PCDHGB5: variants seen among roughly 807,000 people sequenced by gnomAD.
The protein encoded by PCDHGB5 is protocadherin gamma subfamily B, 5.
PCDHGB5 carries 48 observed loss-of-function variants against 62.9 expected under a neutral mutation model. The ratio of observed to expected loss-of-function variants is 0.76; its 90% confidence interval spans 0.61 to 0.97. PCDHGB5 has a LOEUF of 0.97. Among genes scored for constraint, PCDHGB5 ranks in the 50% least tolerant of loss-of-function variants. PCDHGB5 has a pLI of 0.00. For synonymous variants in PCDHGB5, 474 were observed against 511.2 expected, an observed-to-expected ratio of 0.93 and a Z score of 0.98; for missense variants, 1,118 against 1,198.6, an observed-to-expected ratio of 0.93 and a Z score of 0.99.
At chr5:141,419,543 G>T (rs573594140) in intron 1 of PCDHGB5, 1 of 1,612,106 alleles carries the variant, frequency 6.2e-7, no homozygotes, top group East Asian at 2.2e-5. Flanking sequence ...CGCACCGCGG[G>T]TGCTGTACCC....
chr5:141,496,276 G>C (rs1189269883), intron 2 of PCDHGB5, among the ~76,000 whole-genome samples: 1 of 152,204 alleles, frequency 6.6e-6, no homozygotes, highest in Admixed American at 6.5e-5. Flanking sequence ...AAGACCTTCA[G>C]TTGGTCTGAG....
chr5:141,486,728 G>T lies in PCDHGB5; in HGVS notation c.2398-8079G>T. On this transcript the variant is annotated intron_variant, in intron 1 of 3. Coordinates refer to ENST00000617380, the MANE Select transcript of PCDHGB5 (RefSeq NM_018925.3). This position sits in a 1 kb window ranked among gnomAD's most constrained non-coding sequence, Gnocchi z 5.0. Reference sequence around the variant, plus strand: ...GAACCCCCAGACAGGAGCTGTTCATGCTACTCGATCCTTTGACTATGAGCA... The same window carrying T: ...GAACCCCCAGACAGGAGCTGTTCATTCTACTCGATCCTTTGACTATGAGCA... The T allele has an allele frequency of 6.2e-7, 1 of 1,614,200 alleles. No individual in the cohort carries two copies. The highest frequency in any genetic ancestry group is 8.5e-7 in the Non-Finnish European group (1 of 1,180,052).
At chr5:141,497,464 T>C (rs1277760390) in intron 2 of PCDHGB5, among the ~76,000 whole-genome samples, 1 of 151,764 alleles carries the variant, frequency 6.6e-6, no homozygotes, top group Admixed American at 6.6e-5. Context: ...CTTGGAGATA[T>C]GGAGGAGAAG....
At chr5:141,410,038 T>C (rs1364065272) in intron 1 of PCDHGB5, 2 of 1,613,086 alleles carry the variant, frequency 1.2e-6, no homozygotes, top group African/African-American at 1.3e-5. Flanking sequence ...TGCAGGCCAG[T>C]GAGCCCGGAC....
intron 1 of PCDHGB5, among the ~76,000 whole-genome samples, chr5:141,475,341 C>T (rs1306106224): frequency 6.6e-6 from 1 of 152,162 alleles, no homozygotes; most frequent in Non-Finnish European, 1.5e-5. Context: ...CAATGACATC[C>T]AGTTTTAAAA....
chr5:141,466,977 C>T (rs2099133275), intron 1 of PCDHGB5, among the ~76,000 whole-genome samples: 1 of 151,786 alleles, frequency 6.6e-6, no homozygotes. Flanking sequence ...CACAGCTCAT[C>T]ATTTACCTTT....
chr5:141,455,388 A>C (rs1415223043), intron 1 of PCDHGB5, among the ~76,000 whole-genome samples: 1 of 152,086 alleles, frequency 6.6e-6, no homozygotes, highest in Non-Finnish European at 1.5e-5. Context: ...AGAAGGAAGG[A>C]GCTCCCCCTT....
chr5:141,400,776 G>T (rs1461818790), intron 1 of PCDHGB5: 3 of 557,594 alleles, frequency 5.4e-6, no homozygotes, highest in Non-Finnish European at 9.4e-6. Context: ...CATTTGGTGC[G>T]TTTTTTTGTC....
Position 141,431,915 on chromosome 5 carries a change from A to G in PCDHGB5, c.2397+31391A>G. 1 of 1,614,040 alleles carries G rather than the reference A, an allele frequency of 6.2e-7. No homozygotes were observed. The highest frequency in any genetic ancestry group is 8.5e-7 in the Non-Finnish European group (1 of 1,179,854). On this transcript the variant is annotated intron_variant, in intron 1 of 3. Coordinates refer to ENST00000617380, the MANE Select transcript of PCDHGB5 (RefSeq NM_018925.3). The surrounding 1 kb of genome is among the most constrained non-coding windows in gnomAD (Gnocchi z 4.8). ...GGAAAACGGACAGGTGATCTGTTTC[A>G]TCCAAGGAAATCTGCCCTTTAAATT...
chr5:141,404,798 C>T (rs1422774939), intron 1 of PCDHGB5: 2 of 1,613,842 alleles, frequency 1.2e-6, no homozygotes, highest in Admixed American at 1.7e-5. Context: ...TGAGCCAGGG[C>T]TCTTCTCGGT....
intron 1 of PCDHGB5, chr5:141,424,104 A>G (rs1049098128): frequency 6.2e-6 from 5 of 812,458 alleles, no homozygotes; most frequent in Non-Finnish European, 6.1e-6. Flanking sequence ...ATTACTGCTA[A>G]TGTTCAAATT....
In PCDHGB5 at chr5:141,485,697, A is replaced by G. The variant is rs76923861; in HGVS notation, c.2398-9110A>G. 48,100 of 1,614,036 alleles carry G rather than the reference A, an allele frequency of 0.03. 1,433 individuals carry two copies. Among genetic ancestry groups the G allele is most frequent in the African/African-American group, 0.15 (11,542 of 75,006 alleles). The stretch of plus-strand genomic sequence containing the variant: ...ATTAGCAGCTATAGGCTGAGCTCCA[A>G]TGAACACTTTGCACTGGATGTGAAG... On this transcript the variant is annotated intron_variant, in intron 1 of 3. Transcript: ENST00000617380. The surrounding 1 kb of genome is among the most constrained non-coding windows in gnomAD (Gnocchi z 5.7).
chr5:141,404,411 G>A, intron 1 of PCDHGB5: 1 of 1,613,854 alleles, frequency 6.2e-7, no homozygotes, highest in Non-Finnish European at 8.5e-7. Flanking sequence ...GAATTCTAGA[G>A]TTATTTACTC....
Position 141,489,826 on chromosome 5 carries a change from C to T in PCDHGB5, c.2398-4981C>T, listed in dbSNP as rs1270077118. 1 of 1,614,186 alleles carries T rather than the reference C, an allele frequency of 6.2e-7. No individual in the cohort carries two copies. The highest frequency in any genetic ancestry group is 1.7e-5 in the Admixed American group (1 of 60,028). On this transcript the variant is annotated intron_variant, in intron 1 of 3. Coordinates refer to ENST00000617380, the MANE Select transcript of PCDHGB5 (RefSeq NM_018925.3). The surrounding 1 kb of genome is among the most constrained non-coding windows in gnomAD (Gnocchi z 4.5). ...TGGGAAGCCATTCCCAGAGCTGGTGCTAGAGCAGCAGCTGGATCGTGAAGC... is the reference window on the plus strand; with the variant it reads ...TGGGAAGCCATTCCCAGAGCTGGTGTTAGAGCAGCAGCTGGATCGTGAAGC...
At position 141,493,666 on chromosome 5, in the gene PCDHGB5, C is replaced by T. The variant is rs1475584876; in HGVS notation, c.2398-1141C>T. On this transcript the variant is annotated intron_variant, in intron 1 of 3. Transcript: ENST00000617380. The surrounding 1 kb of genome is among the most constrained non-coding windows in gnomAD (Gnocchi z 4.3). ...GCCATCCCTGTGCCCTTCTCCATGG[C>T]AGCCCCAGAATGGTGCTGGTGACTC... 6.6e-6 allele frequency among the ~76,000 whole-genome samples: 1 copy of T among 152,176 alleles called. No individual in the cohort carries two copies. The highest frequency in any genetic ancestry group is 1.5e-5 in the Non-Finnish European group (1 of 68,028).
At position 141,490,169 on chromosome 5, in the gene PCDHGB5, T is replaced by C; in HGVS notation, c.2398-4638T>C. ...ATCCATGTGTTGGGTCCCATAGACT[T>C]TGAGGAGTCACGTTTCTATGAAATT... On this transcript the variant is annotated intron_variant, in intron 1 of 3. Transcript: ENST00000617380. This position sits in a 1 kb window ranked among gnomAD's most constrained non-coding sequence, Gnocchi z 5.4. 6.2e-7 allele frequency: 1 copy of C among 1,614,190 alleles called. No individual in the cohort carries two copies. The highest frequency in any genetic ancestry group is 8.5e-7 in the Non-Finnish European group (1 of 1,180,018).
chr5:141,432,250 A>C lies in PCDHGB5; in HGVS notation c.2397+31726A>C, dbSNP rs777728825. ...ATTCCCTGGCTGAGAACACCATCCA[A>C]GGGGCAAGCCTATCGTCCTACGTGT... On this transcript the variant is annotated intron_variant, in intron 1 of 3. Coordinates refer to ENST00000617380, the MANE Select transcript of PCDHGB5 (RefSeq NM_018925.3). This position sits in a 1 kb window ranked among gnomAD's most constrained non-coding sequence, Gnocchi z 6.0. 2 of 1,614,116 alleles carry C rather than the reference A, an allele frequency of 1.2e-6. No homozygotes were observed. The highest frequency in any genetic ancestry group is 1.7e-6 in the Non-Finnish European group (2 of 1,180,062).
chr5:141,487,475 C>T lies in PCDHGB5; in HGVS notation c.2398-7332C>T, dbSNP rs781308835. On this transcript the variant is annotated intron_variant, in intron 1 of 3. Coordinates refer to ENST00000617380, the MANE Select transcript of PCDHGB5 (RefSeq NM_018925.3). The surrounding 1 kb of genome is among the most constrained non-coding windows in gnomAD (Gnocchi z 5.0). ...TATCAAGTTTGTTGATGTGGGAGGC[C>T]ACTCTCATGGCTGTACACCCTTGGC... 1.2e-6 allele frequency: 2 copies of T among 1,614,156 alleles called. No homozygotes were observed. Among genetic ancestry groups the T allele is most frequent in the South Asian group, 1.1e-5 (1 of 91,080 alleles).
In PCDHGB5 at chr5:141,405,166, A is replaced by G. The variant is rs1303146593; in HGVS notation, c.2397+4642A>G. The G allele has an allele frequency of 9.3e-6, 15 of 1,613,862 alleles. No individual in the cohort carries two copies. In the East Asian group the frequency reaches 3.3e-4, roughly 36 times the overall value. On this transcript the variant is annotated intron_variant, in intron 1 of 3. Coordinates refer to ENST00000617380, the MANE Select transcript of PCDHGB5 (RefSeq NM_018925.3). Reference sequence around the variant, plus strand: ...ATGGGTTGGCTGGTGTGCCCACCTCACACTTTGTGGGTGTAGATGGGGTTC... The same window carrying G: ...ATGGGTTGGCTGGTGTGCCCACCTCGCACTTTGTGGGTGTAGATGGGGTTC...
Sources: allele counts gnomAD v4.1 joint callset (sites outside exome capture counted in the v4.1 genomes callset), GRCh38; gene constraint gnomAD v4.1.1; non-coding constraint Gnocchi (gnomAD v3.1); transcripts MANE v1.5; gene names NCBI Gene and HGNC (gene_info 2026-07-23, HGNC 2026-07-21).